SCAND3: variants seen among roughly 807,000 people sequenced by gnomAD.
The protein encoded by SCAND3 is SCAN domain-containing protein 3.
chr6:28,597,364 C>G, the SCAND3 span, among the ~76,000 whole-genome samples: 20 of 152,228 alleles, frequency 1.3e-4, no homozygotes, highest in African/African-American at 4.1e-4. Context: ...TTCGAACCCA[C>G]GCGTGCAGAG....
chr6:28,594,484 G>A, the SCAND3 span, among the ~76,000 whole-genome samples: 3 of 152,164 alleles, frequency 2.0e-5, no homozygotes, highest in Non-Finnish European at 4.4e-5. Flanking sequence ...GTGAAACCCC[G>A]TTTCTACTAA....
At chr6:28,576,934 C>G in the SCAND3 span, among the ~76,000 whole-genome samples, 2 of 151,502 alleles carry the variant, frequency 1.3e-5, no homozygotes, top group Non-Finnish European at 2.9e-5. Flanking sequence ...TTGGAGGAAC[C>G]TCAGCAAGAC....
the SCAND3 span, among the ~76,000 whole-genome samples, chr6:28,595,155 C>CGA: frequency 8.0e-6 from 1 of 124,490 alleles, no homozygotes; most frequent in African/African-American, 3.2e-5. Flanking sequence ...CCTAGGAGTT[C>CGA]GAGACCAGAT....
At chr6:28,601,856 G>C in the SCAND3 span, among the ~76,000 whole-genome samples, 1 of 152,194 alleles carries the variant, frequency 6.6e-6, no homozygotes, top group Admixed American at 6.5e-5. Flanking sequence ...ATGTTGAGGT[G>C]TTTGAGGGAG....
chr6:28,600,448 C>T, the SCAND3 span, among the ~76,000 whole-genome samples: 1 of 152,138 alleles, frequency 6.6e-6, no homozygotes, highest in Non-Finnish European at 1.5e-5. Context: ...GCCTGGCCAA[C>T]ATGGCAAACC....
the SCAND3 span, chr6:28,575,277 A>T: frequency 6.2e-7 from 1 of 1,614,036 alleles, no homozygotes; most frequent in Non-Finnish European, 8.5e-7. The surrounding 1 kb of genome is among the most constrained non-coding windows in gnomAD (Gnocchi z 4.2). Context: ...GGATATCCTC[A>T]GTTTGTTCTG....
At chr6:28,591,473 C>T in the SCAND3 span, 3 of 152,166 alleles carry the variant, frequency 2.0e-5, no homozygotes, top group Non-Finnish European at 4.4e-5. Flanking sequence ...CTTGTCCAGC[C>T]CAATTTCAGC....
At chr6:28,614,179 G>T in the SCAND3 span, among the ~76,000 whole-genome samples, 604 of 152,040 alleles carry the variant, frequency 4.0e-3, 4 homozygotes, top group African/African-American at 0.013. Context: ...ACCATGGCTG[G>T]TTTCAAACTC....
the SCAND3 span, chr6:28,586,743 G>A: frequency 6.3e-7 from 1 of 1,592,248 alleles, no homozygotes; most frequent in Non-Finnish European, 8.5e-7. The surrounding 1 kb of genome is among the most constrained non-coding windows in gnomAD (Gnocchi z 4.4). Flanking sequence ...CTCAGGCAAA[G>A]GTTCTCTCCA....
the SCAND3 span, chr6:28,575,196 C>G: frequency 1.2e-6 from 2 of 1,614,040 alleles, no homozygotes; most frequent in Non-Finnish European, 1.7e-6. This position sits in a 1 kb window ranked among gnomAD's most constrained non-coding sequence, Gnocchi z 4.2. Flanking sequence ...TTTGGGACAT[C>G]TGAATGAACC....
chr6:28,614,371 A>G, the SCAND3 span, among the ~76,000 whole-genome samples: 1 of 152,218 alleles, frequency 6.6e-6, no homozygotes, highest in Non-Finnish European at 1.5e-5. Flanking sequence ...CTGTACATTT[A>G]ACATATGCTG....
At chr6:28,577,155 C>T in the SCAND3 span, among the ~76,000 whole-genome samples, 2 of 152,020 alleles carry the variant, frequency 1.3e-5, no homozygotes, top group Admixed American at 6.6e-5. Context: ...TGAAAAATTT[C>T]TGACTTAATA....
the SCAND3 span, among the ~76,000 whole-genome samples, chr6:28,613,786 C>T: frequency 1.5e-4 from 23 of 152,190 alleles, no homozygotes; most frequent in African/African-American, 5.1e-4. Flanking sequence ...ACTTTATACA[C>T]AGCAAAACAA....
At chr6:28,602,602 T>G in the SCAND3 span, among the ~76,000 whole-genome samples, 34 of 152,238 alleles carry the variant, frequency 2.2e-4, no homozygotes, top group Non-Finnish European at 3.5e-4. Context: ...AGCTTATGAT[T>G]TTGGCATGTT....
chr6:28,581,687 A>G, the SCAND3 span, among the ~76,000 whole-genome samples: 1 of 152,204 alleles, frequency 6.6e-6, no homozygotes, highest in Non-Finnish European at 1.5e-5. Flanking sequence ...AAAAGGTGAA[A>G]CTAAAGTAAT....
chr6:28,615,393 C>A, the SCAND3 span, among the ~76,000 whole-genome samples: 1 of 152,106 alleles, frequency 6.6e-6, no homozygotes, highest in East Asian at 1.9e-4. Context: ...GTGGGCGGAT[C>A]ATTTGAGGTC....
chr6:28,586,708 C>T, the SCAND3 span: 2 of 1,612,950 alleles, frequency 1.2e-6, no homozygotes, highest in Admixed American at 3.3e-5. The surrounding 1 kb of genome is among the most constrained non-coding windows in gnomAD (Gnocchi z 4.4). Flanking sequence ...ACCCTAGAGA[C>T]TGCTTCCATC....
the SCAND3 span, chr6:28,573,117 A>G: frequency 6.2e-7 from 1 of 1,610,370 alleles, no homozygotes; most frequent in Non-Finnish European, 8.5e-7. Context: ...TTATATCATC[A>G]TCATGTTCAA....
the SCAND3 span, among the ~76,000 whole-genome samples, chr6:28,578,379 G>C: frequency 6.6e-6 from 1 of 152,062 alleles, no homozygotes; most frequent in African/African-American, 2.4e-5. Flanking sequence ...GATGCAACAA[G>C]ACTGTAAGTT....
Sources: gnomAD v4.1 joint callset for allele counts (sites outside exome capture counted in the v4.1 genomes callset) on GRCh38, gnomAD v4.1.1 for gene constraint, Gnocchi (gnomAD v3.1) non-coding constraint, MANE v1.5 for transcripts, NCBI Gene and HGNC (gene_info 2026-07-23, HGNC 2026-07-21) for gene names.